ADAMTS17: variants seen among roughly 807,000 people sequenced by gnomAD.
ADAMTS17 encodes the protein A disintegrin and metalloproteinase with thrombospondin motifs 17.
A neutral mutation model predicts 141.5 loss-of-function variants in ADAMTS17; 113 were observed. The ratio of observed to expected loss-of-function variants is 0.80; its 90% CI spans 0.69 to 0.93. The LOEUF is 0.93. Ranked by LOEUF, ADAMTS17 falls within the 40% of genes least tolerant of loss-of-function variation. The pLI, the probability that ADAMTS17 is intolerant of heterozygous loss-of-function variation, is 0.00. For synonymous variants in ADAMTS17, 768 were observed against 630.6 expected, an observed-to-expected ratio of 1.22 and a Z score of -3.27; for missense variants, 1,659 against 1,517.9, an observed-to-expected ratio of 1.09 and a Z score of -1.54.
chr15:100,194,063 G>A (rs1236209589), intron 8 of ADAMTS17, among the ~76,000 whole-genome samples: 2 of 152,212 alleles, frequency 1.3e-5, no homozygotes, highest in African/African-American at 2.4e-5. Flanking sequence ...TCTGCAATGA[G>A]AAACCTTTTT....
chr15:100,033,650 C>A (rs116690250), intron 18 of ADAMTS17, among the ~76,000 whole-genome samples: 7,360 of 152,256 alleles, frequency 0.048, 557 homozygotes, highest in African/African-American at 0.16. Context: ...AGCACATGAG[C>A]TGAGAAAGAC....
chr15:99,977,602 G>C (rs1439674937), intron 20 of ADAMTS17, among the ~76,000 whole-genome samples: 3 of 150,736 alleles, frequency 2.0e-5, no homozygotes, highest in Non-Finnish European at 4.4e-5. Flanking sequence ...TTTTAGTAGA[G>C]ACAGGGCTTC....
intron 8 of ADAMTS17, among the ~76,000 whole-genome samples, chr15:100,190,362 C>T (rs762929022): frequency 2.6e-5 from 4 of 152,234 alleles, no homozygotes; most frequent in African/African-American, 4.8e-5. Context: ...ACCACCTTCG[C>T]ACAAAGTGAG....
At chr15:100,282,095 C>G (rs1203938304) in intron 3 of ADAMTS17, among the ~76,000 whole-genome samples, 1 of 152,148 alleles carries the variant, frequency 6.6e-6, no homozygotes, top group Non-Finnish European at 1.5e-5. Flanking sequence ...CTACTGTTAT[C>G]AAAGAGCCCA....
At chr15:99,979,139 C>T (rs2060429215) in intron 20 of ADAMTS17, 3 of 152,200 alleles carry the variant, frequency 2.0e-5, no homozygotes, top group South Asian at 2.1e-4. Context: ...GCCTGTAATC[C>T]CAGCACATTG....
At chr15:100,175,965 TGGCAGCC>T (rs1451676256) in intron 8 of ADAMTS17, among the ~76,000 whole-genome samples, 1 of 152,196 alleles carries the variant, frequency 6.6e-6, no homozygotes, top group African/African-American at 2.4e-5. Flanking sequence ...TTATGAAACT[TGGCAGCC>T]GAAACAAGAT....
intron 17 of ADAMTS17, 132 bp from the exon 18 acceptor site, chr15:100,049,124 T>C (rs2031943316): frequency 7.3e-7 from 1 of 1,374,248 alleles, no homozygotes; most frequent in Non-Finnish European, 1.0e-6. Flanking sequence ...CTGCTGTAAA[T>C]GTCATGTGGG....
intron 3 of ADAMTS17, among the ~76,000 whole-genome samples, chr15:100,286,949 C>A (rs1334562404): frequency 6.6e-6 from 1 of 152,172 alleles, no homozygotes; most frequent in Non-Finnish European, 1.5e-5. Flanking sequence ...ATGGACTTTG[C>A]AAGGCCGAAG....
chr15:100,136,987 G>C (rs987017682), intron 10 of ADAMTS17, among the ~76,000 whole-genome samples: 1 of 152,210 alleles, frequency 6.6e-6, no homozygotes, highest in African/African-American at 2.4e-5. Context: ...ACAGACACAA[G>C]GAAAGGCAGA....
intron 7 of ADAMTS17, among the ~76,000 whole-genome samples, chr15:100,221,936 GA>G (rs1372987259): frequency 6.6e-6 from 1 of 152,182 alleles, no homozygotes; most frequent in Non-Finnish European, 1.5e-5. Context: ...GGGTCTCTGA[GA>G]AGCTGTGCAG....
intron 7 of ADAMTS17, among the ~76,000 whole-genome samples, chr15:100,230,760 G>A (rs2042455269): frequency 6.6e-6 from 1 of 152,046 alleles, no homozygotes; most frequent in East Asian, 1.9e-4. Context: ...GACAATGCTT[G>A]GAAGAAACAA....
intron 15 of ADAMTS17, among the ~76,000 whole-genome samples, chr15:100,083,837 T>A (rs927329536): frequency 6.6e-6 from 1 of 151,446 alleles, no homozygotes; most frequent in African/African-American, 2.4e-5. Flanking sequence ...CCCCCTCCAG[T>A]GGCTCTAGAG....
chr15:100,165,128 A>G (rs1032777479), intron 8 of ADAMTS17, among the ~76,000 whole-genome samples: 1 of 152,200 alleles, frequency 6.6e-6, no homozygotes, highest in African/African-American at 2.4e-5. Flanking sequence ...AGCTCCTGCC[A>G]TCTCTGTGAA....
At chr15:100,234,250 C>T (rs567152125) in intron 7 of ADAMTS17, among the ~76,000 whole-genome samples, 4 of 152,300 alleles carry the variant, frequency 2.6e-5, no homozygotes, top group East Asian at 1.9e-4. Flanking sequence ...AACAGCCAGT[C>T]GACTACTAGA....
At chr15:100,041,005 T>C (rs1290820233) in intron 18 of ADAMTS17, among the ~76,000 whole-genome samples, 1 of 152,250 alleles carries the variant, frequency 6.6e-6, no homozygotes, top group East Asian at 1.9e-4. Context: ...TTTCAGATTG[T>C]GGCAATAGCT....
intron 7 of ADAMTS17, among the ~76,000 whole-genome samples, chr15:100,199,848 G>T (rs1015569441): frequency 6.6e-6 from 1 of 152,202 alleles, no homozygotes; most frequent in South Asian, 2.1e-4. Flanking sequence ...GACACCGAGG[G>T]TGCAAGGTTT....
intron 13 of ADAMTS17, 81 bp downstream of exon 13, chr15:100,116,766 C>G (rs1177051141): frequency 1.9e-6 from 3 of 1,600,958 alleles, no homozygotes; most frequent in African/African-American, 2.7e-5. Flanking sequence ...AAAGGGATGC[C>G]CCCCGGCTTC....
rs1481163608 is a variant in ADAMTS17 at position 100,208,522 on chromosome 15, G to C, written c.1076-9099C>G. Among the ~76,000 whole-genome samples the C allele has an allele frequency of 2.0e-5, 3 of 152,144 alleles. No homozygotes were observed. The South Asian group carries it at 6.2e-4, about 32-fold the overall frequency. Reference sequence around the variant, plus strand: ...TAATAATTCATTTAGAGATCAAAAAGTCAGGTCAGTGTTACCCCAGAGGGA... The same window carrying C: ...TAATAATTCATTTAGAGATCAAAAACTCAGGTCAGTGTTACCCCAGAGGGA... On this transcript the variant is annotated intron_variant, in intron 7 of 21. Transcript: ENST00000268070.
chr15:100,225,643 T>TCACGGTCTCTGTGCCATTCAGTCCTC (rs2042277276), intron 7 of ADAMTS17, among the ~76,000 whole-genome samples: 2 of 150,034 alleles, frequency 1.3e-5, no homozygotes, highest in African/African-American at 4.9e-5. Context: ...ATTCAGTCCT[T>TCACGGTCTCTGTGCCATTCAGTCCTC]ACAGCAGTCA....
Sources: gnomAD v4.1 joint callset for allele counts (sites outside exome capture counted in the v4.1 genomes callset) on GRCh38, gnomAD v4.1.1 for gene constraint, MANE v1.5 for transcripts, NCBI Gene and HGNC (gene_info 2026-07-23, HGNC 2026-07-21) for gene names.